Variants in ADAM7 observed in about 807,000 individuals in gnomAD.
ADAM7 encodes ADAM metallopeptidase domain 7.
ADAM7 carries 97 observed loss-of-function variants against 102.9 expected under a neutral mutation model. The ratio of observed to expected loss-of-function variants is 0.94; its 90% CI spans 0.80 to 1.12. ADAM7 has a LOEUF of 1.12. Ranked by LOEUF, ADAM7 falls within the 50% of genes most tolerant of loss-of-function variation. The pLI is 0.00. For synonymous variants in ADAM7, 334 were observed against 304.4 expected (o/e 1.10, Z -1.01); for missense variants, 991 against 908.7 (o/e 1.09, Z -1.16).
At chr8:24,456,847 TC>T (rs956412013) in intron 3 of ADAM7, among the ~76,000 whole-genome samples, 1 of 152,222 alleles carries the variant, frequency 6.6e-6, no homozygotes, top group African/African-American at 2.4e-5. Flanking sequence ...GTTCATCCAC[TC>T]TCCTATTGAT....
chr8:24,490,787 G>C lies in ADAM7; in HGVS notation c.1267-12G>C. 6.2e-7 allele frequency: 1 copy of C among 1,609,886 alleles called. No homozygotes were observed. The highest frequency in any genetic ancestry group is 8.5e-7 in the Non-Finnish European group (1 of 1,178,484). The stretch of plus-strand genomic sequence containing the variant: ...TACCAATTTCTCATCTCTCTTTTGT[G>C]GTTATTGCCAGGAGTGTACTAATCC... On this transcript the variant is annotated splice_polypyrimidine_tract_variant and intron_variant, in intron 12 of 21. Coordinates refer to ENST00000175238, the MANE Select transcript of ADAM7 (RefSeq NM_003817.4).
chr8:24,490,536 C>T (rs1051828552), intron 12 of ADAM7: 2 of 351,518 alleles, frequency 5.7e-6, no homozygotes. Context: ...ATTAGGATAA[C>T]TGAAGATTAT....
chr8:24,465,929 A>G (rs1039375922), intron 5 of ADAM7, among the ~76,000 whole-genome samples, 154 bp downstream of exon 5: 3 of 152,242 alleles, frequency 2.0e-5, no homozygotes, highest in Non-Finnish European at 2.9e-5. Context: ...GCTGTAGCCT[A>G]TGATTTACAT....
intron 7 of ADAM7, among the ~76,000 whole-genome samples, chr8:24,469,819 T>C (rs2129383672): frequency 6.6e-6 from 1 of 152,192 alleles, no homozygotes; most frequent in East Asian, 1.9e-4. Flanking sequence ...GGAAAACGTA[T>C]ATACCCTTGA....
At chr8:24,489,431 T>C in intron 12 of ADAM7, 98 bp downstream of exon 12, 1 of 1,177,754 alleles carries the variant, frequency 8.5e-7, no homozygotes, top group South Asian at 2.1e-5. Context: ...GTGGTGTTCC[T>C]TGTAAAACTT....
Position 24,441,058 on chromosome 8 carries a change from T to C in ADAM7, c.-51T>C, listed in dbSNP as rs532254151. On this transcript the variant is annotated 5_prime_UTR_variant, in exon 1 of 22. Transcript: ENST00000175238. ...CAGTGGAAGTGAGGAGGAAGAAAGG[T>C]GAACTCCTTTTCTCAAGCACTTCTG... 52 of 1,539,360 alleles carry C rather than the reference T, an allele frequency of 3.4e-5. No homozygotes were observed. In the East Asian group the frequency reaches 6.5e-4, roughly 19 times the overall value.
Position 24,485,318 on chromosome 8 carries a change from CA to C in ADAM7, c.918del (p.Gly308ValfsTer21), listed in dbSNP as rs750946570. 6.2e-6 allele frequency: 10 copies of C among 1,613,530 alleles called. No individual in the cohort carries two copies. The highest frequency in any genetic ancestry group is 8.5e-6 in the Non-Finnish European group (10 of 1,179,716). ...LYSHVQGISYPGGMCLPYYST... is the reference protein window; with the variant it reads ...LYSHVQGISYXGGMCLPYYST... ...TCACATGTGCAAGGAATTTCTTATC[CA>C]GGGGGTATGTGCCTGCCCTATTATT... On this transcript the variant is annotated frameshift_variant, in exon 10 of 22. Coordinates refer to ENST00000175238, the MANE Select transcript of ADAM7 (RefSeq NM_003817.4). LOFTEE classifies it high-confidence loss of function.
chr8:24,490,073 A>T (rs1328761784), intron 12 of ADAM7, among the ~76,000 whole-genome samples: 3 of 152,178 alleles, frequency 2.0e-5, no homozygotes. Context: ...CGAGGACCAC[A>T]ATTTTAGTAT....
At chr8:24,503,741 C>T (rs1020749089) in intron 20 of ADAM7, among the ~76,000 whole-genome samples, 1 of 152,032 alleles carries the variant, frequency 6.6e-6, no homozygotes, top group African/African-American at 2.4e-5. Flanking sequence ...ATGGATGAAG[C>T]TGGAAACCAT....
chr8:24,460,215 C>T (rs1160855306), intron 3 of ADAM7, among the ~76,000 whole-genome samples: 1 of 152,016 alleles, frequency 6.6e-6, no homozygotes, highest in Non-Finnish European at 1.5e-5. Context: ...TTCCTTTCAA[C>T]ATATCTGTGT....
Position 24,441,063 on chromosome 8 carries a change from T to C in ADAM7, c.-46T>C. 1 of 1,559,724 alleles carries C rather than the reference T, an allele frequency of 6.4e-7. No homozygotes were observed. The highest frequency in any genetic ancestry group is 8.8e-7 in the Non-Finnish European group (1 of 1,130,918). Reference sequence around the variant, plus strand: ...GAAGTGAGGAGGAAGAAAGGTGAACTCCTTTTCTCAAGCACTTCTGCTCTC... The same window carrying C: ...GAAGTGAGGAGGAAGAAAGGTGAACCCCTTTTCTCAAGCACTTCTGCTCTC... On this transcript the variant is annotated 5_prime_UTR_variant, in exon 1 of 22. Transcript: ENST00000175238.
Position 24,482,174 on chromosome 8 carries a change from G to C in ADAM7, c.738G>C (p.Leu246Phe), listed in dbSNP as rs778488740. ...IYKTLNIHVT[L>F]VGIEIWTHED... ...AAACCTTAAACATCCATGTGACGTTGGTTGGCATTGAAATATGGACACATG... is the reference window on the plus strand; with the variant it reads ...AAACCTTAAACATCCATGTGACGTTCGTTGGCATTGAAATATGGACACATG... Residue 246 changes from leucine (L) to phenylalanine (F), a missense_variant, in exon 9 of 22, where the codon TTG (leucine) becomes TTC (phenylalanine). Leu to Phe is a conservative substitution (Grantham distance 22). Transcript: ENST00000175238. 3 of 1,593,990 alleles carry C rather than the reference G, an allele frequency of 1.9e-6. No individual in the cohort carries two copies. The highest frequency in any genetic ancestry group is 1.7e-6 in the Non-Finnish European group (2 of 1,174,170).
At chr8:24,476,651 A>C in intron 8 of ADAM7, 147 bp downstream of exon 8, 1 of 509,448 alleles carries the variant, frequency 2.0e-6, no homozygotes. Context: ...ACGGGAAAAA[A>C]TAATAACAAC....
At chr8:24,446,625 T>TA (rs1208060075) in intron 2 of ADAM7, among the ~76,000 whole-genome samples, 1 of 151,884 alleles carries the variant, frequency 6.6e-6, no homozygotes, top group Non-Finnish European at 1.5e-5. Flanking sequence ...ACACATACTA[T>TA]AAAAAATTTA....
intron 21 of ADAM7, 79 bp downstream of exon 21, chr8:24,507,614 T>C (rs1563401332): frequency 1.6e-6 from 2 of 1,235,560 alleles, no homozygotes; most frequent in African/African-American, 1.5e-5. Context: ...TACCAACTCA[T>C]TGATTTACTG....
chr8:24,497,273 A>G (rs921227962), intron 16 of ADAM7, among the ~76,000 whole-genome samples: 4 of 152,214 alleles, frequency 2.6e-5, no homozygotes, highest in African/African-American at 9.6e-5. Flanking sequence ...TAAATTGCCC[A>G]GTCTCATGTA....
intron 7 of ADAM7, among the ~76,000 whole-genome samples, chr8:24,472,979 A>T (rs1208644278): frequency 2.0e-5 from 3 of 152,136 alleles, no homozygotes; most frequent in Non-Finnish European, 4.4e-5. Flanking sequence ...TTATAAACAG[A>T]TGTAGTAAAA....
intron 5 of ADAM7, 124 bp from the exon 6 acceptor site, chr8:24,466,675 C>T: frequency 1.3e-6 from 1 of 758,132 alleles, no homozygotes; most frequent in Non-Finnish European, 2.1e-6. Context: ...CCACTGAAAG[C>T]ACTCTCCTAC....
intron 1 of ADAM7, 48 bp downstream of exon 1, chr8:24,441,208 T>A (rs1365596275): frequency 1.3e-6 from 2 of 1,547,482 alleles, no homozygotes; most frequent in Non-Finnish European, 1.8e-6. Context: ...GCTGTGAGGT[T>A]GTGTCTCTTT....
Sources: allele counts gnomAD v4.1 joint callset (sites outside exome capture counted in the v4.1 genomes callset), GRCh38; gene constraint gnomAD v4.1.1; transcripts MANE v1.5; gene names NCBI Gene and HGNC (gene_info 2026-07-23, HGNC 2026-07-21).